The following ZNF140 variants were observed in gnomAD, a reference collection of about 807,000 sequenced individuals.
The protein encoded by ZNF140 is zinc finger protein 140 (clone pHZ-39).
Under a neutral mutation model 12.9 loss-of-function variants are expected in ZNF140, and 13 were observed. The observed-to-expected ratio is 1.01, with a 90% CI of 0.66 to 1.60. ZNF140 has a LOEUF of 1.60. Among genes scored for constraint, ZNF140 ranks in the 40% most tolerant of loss-of-function variants. The pLI, the probability that ZNF140 is intolerant of heterozygous loss-of-function variation, is 0.00. For missense variants in ZNF140, 531 were observed against 548.8 expected, an observed-to-expected ratio of 0.97 and a Z score of 0.32; for synonymous variants, 214 against 186.7, an observed-to-expected ratio of 1.15 and a Z score of -1.19.
At position 133,105,567 on chromosome 12, in the gene ZNF140, A is replaced by C; in HGVS notation, c.290A>C (p.Asp97Ala). The change falls in exon 5 of 5, where the codon GAC (aspartate) becomes GCC (alanine). Residue 97 changes from aspartate (D) to alanine (A), a missense_variant. Asp to Ala is a moderately radical substitution (Grantham distance 126). Coordinates refer to ENST00000355557, the MANE Select transcript of ZNF140 (RefSeq NM_003440.4). Reference sequence around the variant, plus strand: ...TCACCAAAAAATGTCATTTATGATGACTCATCCCAGTATTTGATCATGGAA... The same window carrying C: ...TCACCAAAAAATGTCATTTATGATGCCTCATCCCAGTATTTGATCATGGAA... ...DFSPKNVIYD[D>A]SSQYLIMERI... The C allele has an allele frequency of 5.0e-6, 8 of 1,613,752 alleles. No homozygotes were observed. Among genetic ancestry groups the C allele is most frequent in the Non-Finnish European group, 6.8e-6 (8 of 1,179,918 alleles).
intron 4 of ZNF140, among the ~76,000 whole-genome samples, chr12:133,102,997 T>A (rs1955410573): frequency 6.6e-6 from 1 of 152,180 alleles, no homozygotes; most frequent in Non-Finnish European, 1.5e-5. Context: ...GCAAATACAC[T>A]AAATCTGTGC....
chr12:133,104,476 T>C (rs1209707079), intron 4 of ZNF140, among the ~76,000 whole-genome samples: 3 of 151,878 alleles, frequency 2.0e-5, no homozygotes, highest in Non-Finnish European at 4.4e-5. Context: ...CTCAGCCTCC[T>C]GAGTACCTGG....
chr12:133,106,293 GT>G lies in ZNF140; in HGVS notation c.1018del (p.Cys340ValfsTer151). ...YECNECRKAF[R>X]CHSFLIKHQR... The stretch of plus-strand genomic sequence containing the variant: ...TGTAATGAATGTAGGAAAGCTTTCC[GT>G]TGTCACTCATTCCTTATTAAACATC... On this transcript the variant is annotated frameshift_variant, in exon 5 of 5. Transcript: ENST00000355557. LOFTEE classifies it low-confidence loss of function (END_TRUNC). The G allele has an allele frequency of 6.2e-7, 1 of 1,614,172 alleles. No individual in the cohort carries two copies. Among genetic ancestry groups the G allele is most frequent in the South Asian group, 1.1e-5 (1 of 91,088 alleles).
chr12:133,104,497 GCA>G (rs1955498261), intron 4 of ZNF140, among the ~76,000 whole-genome samples: 2 of 151,742 alleles, frequency 1.3e-5, no homozygotes, highest in Non-Finnish European at 2.9e-5. Context: ...GACTACAGGT[GCA>G]TGCCATCACG....
chr12:133,091,328 G>A lies in ZNF140; in HGVS notation c.232+7767G>A, dbSNP rs771945731. Among the ~76,000 whole-genome samples the A allele has an allele frequency of 4.6e-5, 7 of 151,242 alleles. No homozygotes were observed. The East Asian group carries it at 9.7e-4, about 21-fold the overall frequency. On this transcript the variant is annotated intron_variant, in intron 4 of 4. Coordinates refer to ENST00000355557, the MANE Select transcript of ZNF140 (RefSeq NM_003440.4). ...TGTAAACATTTTGTTAACAAGGCAC[G>A]TCCTGCACAGCCCTAGATCCCTTAA...
chr12:133,092,187 T>C (rs1954914959), intron 4 of ZNF140, among the ~76,000 whole-genome samples: 1 of 151,172 alleles, frequency 6.6e-6, no homozygotes, highest in South Asian at 2.1e-4. Context: ...ATCACTGCAA[T>C]CAAAGTAAAA....
chr12:133,103,230 T>TATA (rs1345842151), intron 4 of ZNF140, among the ~76,000 whole-genome samples: 1 of 152,188 alleles, frequency 6.6e-6, no homozygotes, highest in Non-Finnish European at 1.5e-5. Flanking sequence ...TATTATTAGC[T>TATA]ATAATCACCT....
chr12:133,085,738 T>C (rs1230747542), intron 4 of ZNF140, among the ~76,000 whole-genome samples: 6 of 152,238 alleles, frequency 3.9e-5, no homozygotes, highest in Admixed American at 3.3e-4. Flanking sequence ...TGTTTTTGGC[T>C]GTGCATGGTG....
At chr12:133,099,899 T>A (rs1955273037) in intron 4 of ZNF140, among the ~76,000 whole-genome samples, 1 of 151,926 alleles carries the variant, frequency 6.6e-6, no homozygotes, top group Non-Finnish European at 1.5e-5. Flanking sequence ...TTTTGAAGGA[T>A]AATCTCACAG....
rs1566324445 is a variant in ZNF140, at chr12:133,105,700, AGTCTCT to A, written c.424_429del (p.Val142_Ser143del). ...ATCAGGGATGTATTAGGAAAGTAAC[AGTCTCT>A]CATCAAGAAGCCCTGGCTCAACATA... On this transcript the variant is annotated inframe_deletion, in exon 5 of 5. Transcript: ENST00000355557. 1 of 1,614,220 alleles carries A rather than the reference AGTCTCT, an allele frequency of 6.2e-7. No individual in the cohort carries two copies. Among genetic ancestry groups the A allele is most frequent in the East Asian group, 2.2e-5 (1 of 44,882 alleles).
At chr12:133,096,568 AT>A (rs1166857708) in intron 4 of ZNF140, among the ~76,000 whole-genome samples, 1 of 152,204 alleles carries the variant, frequency 6.6e-6, no homozygotes, top group East Asian at 1.9e-4. Context: ...TCCCACTGAA[AT>A]AAGTTGTATT....
At chr12:133,100,160 GTTTTTTTTTTTTTT>G (rs58610589) in intron 4 of ZNF140, among the ~76,000 whole-genome samples, 47 of 60,986 alleles carry the variant, frequency 7.7e-4, no homozygotes, top group Admixed American at 4.2e-3. Flanking sequence ...TGCCTTTTCC[GTTTTTTTTTTTTTT>G]TTTTTTTTTT....
intron 4 of ZNF140, among the ~76,000 whole-genome samples, chr12:133,085,229 T>A (rs1192006767): frequency 6.6e-6 from 1 of 152,186 alleles, no homozygotes; most frequent in African/African-American, 2.4e-5. Flanking sequence ...TTCACCATGT[T>A]GGCCAGGCTG....
chr12:133,090,665 G>A (rs1406293095), intron 4 of ZNF140, among the ~76,000 whole-genome samples: 12 of 148,082 alleles, frequency 8.1e-5, no homozygotes, highest in Non-Finnish European at 1.8e-4. Flanking sequence ...CCAGCACTCA[G>A]CATACCAAGG....
At chr12:133,093,350 G>A in intron 4 of ZNF140, 1 of 677,248 alleles carries the variant, frequency 1.5e-6, no homozygotes, top group Non-Finnish European at 2.7e-6. Context: ...TACCACCGTT[G>A]ATACAATCAT....
intron 4 of ZNF140, among the ~76,000 whole-genome samples, chr12:133,086,386 G>A (rs1367591821): frequency 2.0e-5 from 3 of 152,134 alleles, no homozygotes; most frequent in African/African-American, 7.2e-5. Flanking sequence ...GGTAGCTTGT[G>A]GTTTAAACTT....
intron 4 of ZNF140, among the ~76,000 whole-genome samples, chr12:133,095,363 C>G (rs959260159): frequency 6.6e-6 from 1 of 150,856 alleles, no homozygotes; most frequent in African/African-American, 2.5e-5. Flanking sequence ...ACAAGCTTAC[C>G]GCAAGGCTGA....
At chr12:133,098,122 A>C (rs1026247457) in intron 4 of ZNF140, among the ~76,000 whole-genome samples, 1 of 151,066 alleles carries the variant, frequency 6.6e-6, no homozygotes, top group East Asian at 2.0e-4. Context: ...GCGTGAGCCT[A>C]CGCACCCAGC....
At chr12:133,102,000 T>C (rs972560038) in intron 4 of ZNF140, among the ~76,000 whole-genome samples, 7 of 152,132 alleles carry the variant, frequency 4.6e-5, no homozygotes, top group African/African-American at 1.4e-4. Flanking sequence ...TAATTTTACA[T>C]TGAAGGGTGG....
Sources: gnomAD v4.1 joint callset for allele counts (sites outside exome capture counted in the v4.1 genomes callset) on GRCh38, gnomAD v4.1.1 for gene constraint, MANE v1.5 for transcripts, NCBI Gene and HGNC (gene_info 2026-07-23, HGNC 2026-07-21) for gene names.